The following ASIC2 variants were observed in gnomAD, a reference collection of about 807,000 sequenced individuals.
ASIC2 encodes the protein acid-sensing ion channel 2.
In ASIC2, 25 loss-of-function variants were observed where a neutral mutation model predicts 57.3. The ratio of observed to expected loss-of-function variants is 0.44; its 90% CI spans 0.32 to 0.61. The LOEUF is 0.61. ASIC2 is among the 20% of genes least tolerant of loss of function. The probability of loss-of-function intolerance (pLI) is 0.06; values close to 1 mark genes in which losing one functional copy is unlikely to be tolerated. For missense variants in ASIC2, 641 were observed against 738.1 expected (o/e 0.87, Z 1.52); for synonymous variants, 319 against 307.5 (o/e 1.04, Z -0.39).
At position 33,939,047 on chromosome 17, in the gene ASIC2, C is replaced by T. The variant is rs1916129422; in HGVS notation, c.555+216931G>A. 2.6e-5 allele frequency among the ~76,000 whole-genome samples: 4 copies of T among 152,256 alleles called. No homozygotes were observed. In the South Asian group the frequency reaches 6.2e-4, roughly 24 times the overall value. On this transcript the variant is annotated intron_variant, in intron 1 of 9. Coordinates refer to the ASIC2 transcript ENST00000359872. ...CCAGGCAGTTCCTGCTGGCCTAGGT[C>T]CTCCTTTGAAGGCTTACTTTTCATG...
chr17:34,040,066 G>C (rs1254150868), intron 1 of ASIC2, among the ~76,000 whole-genome samples: 1 of 145,478 alleles, frequency 6.9e-6, no homozygotes, highest in Admixed American at 6.8e-5. Context: ...GCGGGGGAGG[G>C]GGGGCACGAA....
chr17:33,757,988 CAGAT>C (rs1161375003), intron 1 of ASIC2, among the ~76,000 whole-genome samples: 2 of 152,220 alleles, frequency 1.3e-5, no homozygotes, highest in Admixed American at 1.3e-4. Flanking sequence ...TCCTCCCTCT[CAGAT>C]AGCTTGAGAA....
At chr17:33,994,693 C>A (rs1450210841) in intron 1 of ASIC2, among the ~76,000 whole-genome samples, 1 of 152,086 alleles carries the variant, frequency 6.6e-6, no homozygotes. Context: ...AGTAGCTGAC[C>A]CTCAAGGTCC....
chr17:33,819,814 G>A (rs986595024), intron 1 of ASIC2, among the ~76,000 whole-genome samples: 1 of 152,202 alleles, frequency 6.6e-6, no homozygotes, highest in Non-Finnish European at 1.5e-5. Context: ...CAATGACACA[G>A]AACAGAAACT....
chr17:33,444,724 GC>G (rs1374301932), intron 1 of ASIC2, among the ~76,000 whole-genome samples: 2 of 152,130 alleles, frequency 1.3e-5, no homozygotes, highest in Non-Finnish European at 2.9e-5. Flanking sequence ...ACTGGATACA[GC>G]CTTCATGTCA....
intron 1 of ASIC2, among the ~76,000 whole-genome samples, chr17:33,416,373 C>T (rs776606362): frequency 6.6e-6 from 1 of 152,158 alleles, no homozygotes; most frequent in Non-Finnish European, 1.5e-5. Context: ...TTTCGATTTG[C>T]ACTCCAGGGT....
intron 1 of ASIC2, among the ~76,000 whole-genome samples, chr17:33,781,345 G>A (rs979288579): frequency 6.6e-6 from 1 of 152,150 alleles, no homozygotes; most frequent in Non-Finnish European, 1.5e-5. Context: ...TCAGGTGTCT[G>A]TGTGTGCATT....
intron 2 of ASIC2, among the ~76,000 whole-genome samples, chr17:33,108,125 C>T (rs1209336829): frequency 1.3e-5 from 2 of 152,094 alleles, no homozygotes; most frequent in African/African-American, 2.4e-5. Context: ...ATTTTACAAA[C>T]GAGGAAACAG....
chr17:33,276,788 C>T (rs1372967100), intron 1 of ASIC2, among the ~76,000 whole-genome samples: 1 of 152,200 alleles, frequency 6.6e-6, no homozygotes, highest in East Asian at 1.9e-4. Context: ...ACGGTCTAGC[C>T]TGGGGGAAGC....
In ASIC2 at chr17:33,292,172, T is replaced by G; in HGVS notation, c.-57A>C. On this transcript the variant is annotated 5_prime_UTR_variant, in exon 1 of 10. The change abolishes an upstream ATG in the 5' untranslated region. Transcript: ENST00000225823. ...CGGCCCCGGCCGGGCGGAGCCGCCATGGGAGTCCGCAGCAGCAGTGGAAGC... is the reference window on the plus strand; with the variant it reads ...CGGCCCCGGCCGGGCGGAGCCGCCAGGGGAGTCCGCAGCAGCAGTGGAAGC... 2.0e-6 allele frequency: 2 copies of G among 1,015,384 alleles called. No individual in the cohort carries two copies. Among genetic ancestry groups the G allele is most frequent in the Non-Finnish European group, 2.3e-6 (2 of 851,934 alleles). The allele number at this position is 1,015,384 out of a possible 1,614,324, so 62.9% of individuals were successfully genotyped here.
At chr17:33,406,027 G>GA (rs1180412544) in intron 1 of ASIC2, among the ~76,000 whole-genome samples, 1 of 88,740 alleles carries the variant, frequency 1.1e-5, no homozygotes, top group African/African-American at 4.3e-5. Context: ...CTCTTTCCAT[G>GA]AAAAAAAACC....
intron 1 of ASIC2, among the ~76,000 whole-genome samples, chr17:33,996,912 T>C (rs558511852): frequency 1.3e-5 from 2 of 152,336 alleles, no homozygotes; most frequent in South Asian, 2.1e-4. Flanking sequence ...GGAATTTGGA[T>C]AGGGATTTCA....
At chr17:33,487,260 G>A (rs1913603905) in intron 1 of ASIC2, among the ~76,000 whole-genome samples, 1 of 152,146 alleles carries the variant, frequency 6.6e-6, no homozygotes, top group Admixed American at 6.5e-5. Flanking sequence ...GAGTCCTCCA[G>A]TAATCACTTC....
intron 1 of ASIC2, among the ~76,000 whole-genome samples, chr17:33,749,560 C>A (rs1478387527): frequency 6.6e-6 from 1 of 152,102 alleles, no homozygotes; most frequent in South Asian, 2.1e-4. Context: ...ATGCACAGAT[C>A]CTGAGCTGGC....
At chr17:33,161,850 T>G (rs1382144828) in intron 1 of ASIC2, among the ~76,000 whole-genome samples, 1 of 142,908 alleles carries the variant, frequency 7.0e-6, no homozygotes, top group Admixed American at 6.9e-5. Flanking sequence ...AAAGCCAGAA[T>G]TCCTAGGTTT....
At chr17:33,476,535 A>ATATATATG (rs1491353193) in intron 1 of ASIC2, among the ~76,000 whole-genome samples, 16 of 95,102 alleles carry the variant, frequency 1.7e-4, no homozygotes, top group African/African-American at 5.5e-4. Flanking sequence ...ATATATATAT[A>ATATATATG]TGTACAGGGG....
At chr17:33,214,091 G>A (rs967517842) in intron 1 of ASIC2, among the ~76,000 whole-genome samples, 3 of 152,146 alleles carry the variant, frequency 2.0e-5, no homozygotes, top group African/African-American at 7.2e-5. Flanking sequence ...CGTGCCCAGG[G>A]TAGCATGGCA....
intron 1 of ASIC2, among the ~76,000 whole-genome samples, chr17:33,279,690 C>A (rs933940745): frequency 1.3e-5 from 2 of 152,124 alleles, no homozygotes; most frequent in African/African-American, 4.8e-5. Context: ...GAGTTCTACA[C>A]CTGCCTAGGT....
intron 1 of ASIC2, among the ~76,000 whole-genome samples, chr17:33,123,475 T>C (rs1247319801): frequency 6.6e-6 from 1 of 152,218 alleles, no homozygotes; most frequent in East Asian, 1.9e-4. Flanking sequence ...AGAATGGTGG[T>C]TGCCATTAAA....
Sources: gnomAD v4.1 joint callset for allele counts (sites outside exome capture counted in the v4.1 genomes callset) on GRCh38, gnomAD v4.1.1 for gene constraint, MANE v1.5 for transcripts, NCBI Gene and HGNC (gene_info 2026-07-23, HGNC 2026-07-21) for gene names.